NOM1: variants seen among roughly 807,000 people sequenced by gnomAD.
The protein encoded by NOM1 is nucleolar MIF4G domain-containing protein 1.
Under a neutral mutation model 73.3 loss-of-function variants are expected in NOM1, and 58 were observed. That is an observed-to-expected ratio of 0.79 (90% CI 0.64 to 0.99). The LOEUF (loss-of-function observed/expected upper bound fraction) is 0.99, where lower values mean the gene tolerates loss of function less well. Ranked by LOEUF, NOM1 falls within the 50% of genes least tolerant of loss-of-function variation. The pLI is 0.00. For missense variants in NOM1, 1,226 were observed against 1,131.9 expected (o/e 1.08, Z -1.19); for synonymous variants, 487 against 446.8 (o/e 1.09, Z -1.14).
Position 156,959,985 on chromosome 7 carries a change from C to T in NOM1, c.1443C>T (p.Leu481=). The change falls in exon 4 of 11, where the codon CTC becomes CTT. Residue 481 remains leucine (L), a synonymous_variant. Coordinates refer to ENST00000275820, the MANE Select transcript of NOM1 (RefSeq NM_138400.2). The stretch of plus-strand genomic sequence containing the variant: ...ACAACTTCCACGTGGTACAGTCTCT[C>T]CTCATCTTCGACATTTTGAAAAAAC... ...HLYNFHVVQS[L]LIFDILKKLI... is the part of the protein sequence containing the mutation. The T allele has an allele frequency of 1.2e-6, 2 of 1,614,152 alleles. No homozygotes were observed. Among genetic ancestry groups the T allele is most frequent in the South Asian group, 2.2e-5 (2 of 91,076 alleles).
chr7:156,955,070 G>A (rs747059705), intron 3 of NOM1, among the ~76,000 whole-genome samples: 6 of 152,168 alleles, frequency 3.9e-5, no homozygotes, highest in Non-Finnish European at 8.8e-5. Flanking sequence ...TCAGTGAAGT[G>A]GGCTTTTGTT....
Position 156,951,367 on chromosome 7 carries a change from A to T in NOM1, c.987+643A>T, listed in dbSNP as rs374953486. Among the ~76,000 whole-genome samples, 40 of 152,294 alleles carry T rather than the reference A, an allele frequency of 2.6e-4. No homozygotes were observed. In the South Asian group the frequency reaches 5.0e-3, roughly 19 times the overall value. On this transcript the variant is annotated intron_variant, in intron 1 of 10. Transcript: ENST00000275820. ...GCGCTACTGCACTCTAGCCTGGGCG[A>T]GAGAGCCAGACTCTGTTTCAAAGAA...
chr7:156,969,716 G>A lies in NOM1; in HGVS notation c.*13G>A, dbSNP rs980932455. The stretch of plus-strand genomic sequence containing the variant: ...CCTGAGAATGTAGTCAGGGAAGGAA[G>A]GAGGGCAGGTGGCCCTTTGACTGTA... On this transcript the variant is annotated 3_prime_UTR_variant, in exon 11 of 11. Coordinates refer to ENST00000275820, the MANE Select transcript of NOM1 (RefSeq NM_138400.2). The A allele has an allele frequency of 6.3e-7, 1 of 1,596,090 alleles. No homozygotes were observed. The highest frequency in any genetic ancestry group is 1.3e-5 in the African/African-American group (1 of 74,536).
At position 156,950,718 on chromosome 7, in the gene NOM1, G is replaced by T; in HGVS notation, c.981G>T (p.Thr327=). Residue 327 remains threonine (T), a synonymous_variant, in exon 1 of 11, where the codon ACG becomes ACT. Coordinates refer to ENST00000275820, the MANE Select transcript of NOM1 (RefSeq NM_138400.2). ...SENSSEDGDI[T]DKSLCGSGEK... ...ATTCCTCGGAGGACGGTGACATAAC[G>T]GATAAGGTATCGTGTGAACACTCTC... 2 of 1,551,142 alleles carry T rather than the reference G, an allele frequency of 1.3e-6. No homozygotes were observed. The highest frequency in any genetic ancestry group is 1.4e-5 in the African/African-American group (1 of 73,094).
Position 156,952,481 on chromosome 7 carries a change from G to C in NOM1, c.995G>C (p.Cys332Ser), listed in dbSNP as rs761116918. The C allele has an allele frequency of 2.0e-5, 33 of 1,610,588 alleles. No homozygotes were observed. The highest frequency in any genetic ancestry group is 2.6e-5 in the Non-Finnish European group (31 of 1,179,154). Residue 332 changes from cysteine to serine, a missense_variant, in exon 2 of 11, where the codon TGT (cysteine) becomes TCT (serine). By Grantham distance (112) the Cys-to-Ser change is moderately radical (BLOSUM62 -1). Transcript: ENST00000275820. ...EDGDITDKSL[C>S]GSGEKYIPPH... ...ATTTCTCTTTTCAAGCAGAGTCTTT[G>C]TGGAAGTGGTGAAAAGTACATCCCA...
chr7:156,972,988 A>G lies in NOM1; in HGVS notation c.*3285A>G, dbSNP rs1805176025. On this transcript the variant is annotated 3_prime_UTR_variant, in exon 11 of 11. Coordinates refer to ENST00000275820, the MANE Select transcript of NOM1 (RefSeq NM_138400.2). The stretch of plus-strand genomic sequence containing the variant: ...TTTATTACAGTGCAATTGAAAATAC[A>G]CTTAAAATACTGCAGGATGCTTAGT... 6.6e-6 allele frequency: 1 copy of G among 152,250 alleles called. No individual in the cohort carries two copies. Among genetic ancestry groups the G allele is most frequent in the African/African-American group, 2.4e-5 (1 of 41,462 alleles). 9.4% of individuals were successfully genotyped at this position (152,250 alleles called of 1,614,324 possible). A position where few individuals can be genotyped will look rare whatever the true frequency, so the allele number is the denominator to read the frequency against.
rs1805114610 is a variant in NOM1, at chr7:156,970,435, CTT to C, written c.*733_*734del. ...GGTGATTGTTTTTTTGAGACAGAGT[CTT>C]GCTCTGTCACCCAGAGTGGAGTGCA... On this transcript the variant is annotated 3_prime_UTR_variant, in exon 11 of 11. Transcript: ENST00000275820. 2 of 152,168 alleles carry C rather than the reference CTT, an allele frequency of 1.3e-5. No homozygotes were observed. Among genetic ancestry groups the C allele is most frequent in the African/African-American group, 4.8e-5 (2 of 41,404 alleles). The allele number at this position is 152,168 out of a possible 1,614,324, so 9.4% of individuals were successfully genotyped here.
chr7:156,965,487 G>A (rs550090315), intron 7 of NOM1, among the ~76,000 whole-genome samples: 15 of 152,236 alleles, frequency 9.9e-5, no homozygotes, highest in Admixed American at 2.0e-4. Flanking sequence ...GGTGGCTCAC[G>A]GCCCCAGGTT....
At chr7:156,968,701 A>ACG (rs1253893944) in intron 9 of NOM1, 7 of 9,534 alleles carry the variant, frequency 7.3e-4, no homozygotes, top group African/African-American at 2.9e-3. Flanking sequence ...ATATATATAT[A>ACG]TATATATATA....
At position 156,960,862 on chromosome 7, in the gene NOM1, G is replaced by A. The variant is rs147887663; in HGVS notation, c.1632+688G>A. On this transcript the variant is annotated intron_variant, in intron 4 of 10. Transcript: ENST00000275820. ...GTTTTGCAGGAGCTGGGGAGTAGGTGGTGGCAAATGTTGGGATCGTGGCAG... is the reference window on the plus strand; with the variant it reads ...GTTTTGCAGGAGCTGGGGAGTAGGTAGTGGCAAATGTTGGGATCGTGGCAG... Among the ~76,000 whole-genome samples the A allele has an allele frequency of 8.4e-3, 1,284 of 152,254 alleles. 21 individuals carry two copies. Among genetic ancestry groups the A allele is most frequent in the African/African-American group, 0.029 (1,199 of 41,528 alleles).
rs114285170 is a variant in NOM1, at chr7:156,954,214, C to T, written c.1224C>T (p.Cys408=). 317 of 1,613,778 alleles carry T rather than the reference C, an allele frequency of 2.0e-4. 5 individuals carry two copies. In the African/African-American group the frequency reaches 2.2e-3, roughly 11 times the overall value. ...DTLTSALMGA[C]VTASAMPSRL... The stretch of plus-strand genomic sequence containing the variant: ...TGACCTCCGCTCTCATGGGTGCCTG[C>T]GTCACTGCCTCGGCCATGCCCAGCA... The change falls in exon 3 of 11, where the codon TGC becomes TGT. Residue 408 remains cysteine (C), a synonymous_variant. Transcript: ENST00000275820.
rs919751620 is a variant in NOM1, at chr7:156,970,215, G to A, written c.*512G>A. 2 of 151,704 alleles carry A rather than the reference G, an allele frequency of 1.3e-5. No individual in the cohort carries two copies. The highest frequency in any genetic ancestry group is 4.9e-5 in the African/African-American group (2 of 41,220). The allele number at this position is 151,704 out of a possible 1,614,324, so 9.4% of individuals were successfully genotyped here. A position where few individuals can be genotyped will look rare whatever the true frequency, so the allele number is the denominator to read the frequency against. On this transcript the variant is annotated 3_prime_UTR_variant, in exon 11 of 11. Transcript: ENST00000275820. The stretch of plus-strand genomic sequence containing the variant: ...GAATTGCTTGGACCCTGGAGGTAGA[G>A]GCTGCAGTGAGCCAAGATTGTACCA...
rs1445783703 is a variant in NOM1, at chr7:156,966,317, T to C, written c.2081T>C (p.Met694Thr). 6.2e-7 allele frequency: 1 copy of C among 1,614,234 alleles called. No individual in the cohort carries two copies. The part of the protein sequence containing the change: ...QQEREIIHVL[M>T]DCCLQEKTYN... The stretch of plus-strand genomic sequence containing the variant: ...GAGAGAGAAATCATTCACGTTCTCA[T>C]GGATTGCTGCCTTCAAGAGAAAACT... The change falls in exon 8 of 11, where the codon ATG becomes ACG. Residue 694 changes from methionine (M) to threonine (T), a missense_variant. Met to Thr is a moderately conservative substitution (Grantham distance 81). Transcript: ENST00000275820.
In NOM1 at chr7:156,952,576, C is replaced by A. The variant is rs780064712; in HGVS notation, c.1090C>A (p.His364Asn). Residue 364 changes from histidine to asparagine, a missense_variant, in exon 2 of 11, where the codon CAT (histidine) becomes AAT (asparagine). His to Asn is a moderately conservative substitution (Grantham distance 68). Transcript: ENST00000275820. ...KKEELERLKK[H>N]VKGLLNRLSE... ...GGAAGAACTAGAAAGGCTGAAGAAA[C>A]ATGTAAAAGGTCTACTTAACAGGTG... The A allele has an allele frequency of 6.2e-7, 1 of 1,613,904 alleles. No homozygotes were observed. Among genetic ancestry groups the A allele is most frequent in the Non-Finnish European group, 8.5e-7 (1 of 1,179,960 alleles).
chr7:156,966,439 A>G (rs755725898), intron 8 of NOM1, 37 bp downstream of exon 8: 3 of 1,611,568 alleles, frequency 1.9e-6, no homozygotes, highest in South Asian at 1.1e-5. Context: ...CGTCCGCTCT[A>G]CTATTTTTTC....
In NOM1 at chr7:156,964,980, G is replaced by A. The variant is rs578124494; in HGVS notation, c.2033+954G>A. On this transcript the variant is annotated intron_variant, in intron 7 of 10. Transcript: ENST00000275820. ...TGAAAATTTTGGCCTATCAAACTAC[G>A]TGTATTAAACAATAGTTTTTCCCAT... 7.4e-4 allele frequency among the ~76,000 whole-genome samples: 112 copies of A among 152,304 alleles called. 1 individual carries two copies. The highest frequency in any genetic ancestry group is 2.2e-3 in the African/African-American group (93 of 41,580).
rs117266057 is a variant in NOM1, at chr7:156,955,156, A to G, written c.1308+858A>G. 3.0e-3 allele frequency among the ~76,000 whole-genome samples: 458 copies of G among 152,298 alleles called. 1 individual carries two copies. The highest frequency in any genetic ancestry group is 5.3e-3 in the Non-Finnish European group (358 of 68,022). On this transcript the variant is annotated intron_variant, in intron 3 of 10. Transcript: ENST00000275820. ...AAGTAAATGTCCACCCCACCCCCAC[A>G]TCCCTTTCGTATTCTTCTTGCTCCA... is the stretch of plus-strand genomic sequence containing the variant.
intron 3 of NOM1, among the ~76,000 whole-genome samples, chr7:156,954,702 T>G (rs932267876): frequency 2.0e-5 from 3 of 151,954 alleles, no homozygotes; most frequent in Non-Finnish European, 4.4e-5. Flanking sequence ...AAGTGGAGTC[T>G]CACTCTGTTG....
chr7:156,949,922 C>G lies in NOM1; in HGVS notation c.185C>G (p.Pro62Arg), dbSNP rs1364475342. 2.6e-6 allele frequency: 4 copies of G among 1,542,338 alleles called. No homozygotes were observed. Among genetic ancestry groups the G allele is most frequent in the Admixed American group, 2.0e-5 (1 of 50,824 alleles). The part of the protein sequence containing the change: ...FVHATSEGEA[P>R]GGCEGRGAPV... ...CACGCGACTTCGGAAGGCGAGGCTCCCGGGGGTTGCGAGGGGCGCGGCGCC... is the reference window on the plus strand; with the variant it reads ...CACGCGACTTCGGAAGGCGAGGCTCGCGGGGGTTGCGAGGGGCGCGGCGCC... Residue 62 changes from proline to arginine, a missense_variant, in exon 1 of 11, where the codon CCC (proline) becomes CGC (arginine). By Grantham distance (103) the Pro-to-Arg change is moderately radical. Transcript: ENST00000275820.
Sources: gnomAD v4.1 joint callset for allele counts (sites outside exome capture counted in the v4.1 genomes callset) on GRCh38, gnomAD v4.1.1 for gene constraint, MANE v1.5 for transcripts, NCBI Gene and HGNC (gene_info 2026-07-23, HGNC 2026-07-21) for gene names.